GSTO2: variants seen among roughly 807,000 people sequenced by gnomAD.
GSTO2 encodes the protein glutathione S-transferase omega 2, also known as glutathione S-transferase omega-2.
In GSTO2, 23 loss-of-function variants were observed where a neutral mutation model predicts 28.4. That is an observed-to-expected ratio of 0.81 (90% CI 0.58 to 1.15). GSTO2 has a LOEUF of 1.15. Among genes scored for constraint, GSTO2 ranks in the 50% most tolerant of loss-of-function variants. The pLI is 0.00. For missense variants in GSTO2, 298 were observed against 297.8 expected, an observed-to-expected ratio of 1.00 and a Z score of 0.00; for synonymous variants, 109 against 111.0, an observed-to-expected ratio of 0.98 and a Z score of 0.11.
chr10:104,272,661 T>A (rs2011473120), intron 1 of GSTO2, among the ~76,000 whole-genome samples: 1 of 134,160 alleles, frequency 7.5e-6, no homozygotes, highest in African/African-American at 2.7e-5. Flanking sequence ...TCGCCCAGGC[T>A]GGAGTGCAGT....
intron 1 of GSTO2, among the ~76,000 whole-genome samples, chr10:104,269,576 T>C (rs2011287101): frequency 6.6e-6 from 1 of 152,198 alleles, no homozygotes; most frequent in Non-Finnish European, 1.5e-5. Flanking sequence ...GTTCTCAGCC[T>C]TGCGTGGGAC....
chr10:104,284,169 G>A (rs951464446), intron 5 of GSTO2, among the ~76,000 whole-genome samples: 7 of 152,028 alleles, frequency 4.6e-5, no homozygotes, highest in African/African-American at 1.4e-4. Flanking sequence ...AGACAAGACT[G>A]TACAACATGG....
intron 5 of GSTO2, among the ~76,000 whole-genome samples, chr10:104,294,611 G>C (rs991817740): frequency 6.6e-6 from 1 of 152,198 alleles, no homozygotes; most frequent in Non-Finnish European, 1.5e-5. Context: ...AATGCAAGTA[G>C]TTTTGATGTG....
At chr10:104,291,030 C>G (rs1450188298) in intron 5 of GSTO2, among the ~76,000 whole-genome samples, 1 of 152,036 alleles carries the variant, frequency 6.6e-6, no homozygotes, top group Admixed American at 6.6e-5. Flanking sequence ...TATGTGCCCA[C>G]GAAAAATAAA....
In GSTO2 at chr10:104,299,286, T is replaced by A; in HGVS notation, c.*2T>A. 6.2e-7 allele frequency: 1 copy of A among 1,613,962 alleles called. No individual in the cohort carries two copies. The highest frequency in any genetic ancestry group is 8.5e-7 in the Non-Finnish European group (1 of 1,179,936). On this transcript the variant is annotated 3_prime_UTR_variant, in exon 7 of 7. Transcript: ENST00000338595. ...GCCTTTGACTTTGGGCTGTGCTGAG[T>A]CTCACTGTCCACCCCTTCGCTGTCC...
At chr10:104,293,553 C>T (rs1209095277) in intron 5 of GSTO2, among the ~76,000 whole-genome samples, 2 of 91,652 alleles carry the variant, frequency 2.2e-5, no homozygotes, top group African/African-American at 1.1e-4. Context: ...TGAGCCACTG[C>T]GCCTGGCCAA....
chr10:104,276,136 A>C (rs980209935), intron 3 of GSTO2, among the ~76,000 whole-genome samples: 2 of 152,212 alleles, frequency 1.3e-5, no homozygotes, highest in Admixed American at 6.5e-5. Flanking sequence ...CGGAGAGTCC[A>C]TCACAAGGGG....
rs187669561 is a variant in GSTO2, at chr10:104,304,326, A to G, written c.*5042A>G. The G allele has an allele frequency of 3.9e-5, 6 of 152,110 alleles. No homozygotes were observed. The highest frequency in any genetic ancestry group is 1.3e-4 in the Admixed American group (2 of 15,294). 9.4% of individuals were successfully genotyped at this position (152,110 alleles called of 1,614,324 possible). ...CCTTTGAAAATGCCATTTCCTCTAC[A>G]TACTATTCTTCCTCAGAGCAGCCCT... On this transcript the variant is annotated 3_prime_UTR_variant, in exon 7 of 7. Transcript: ENST00000338595.
rs1258365087 is a variant in GSTO2 at position 104,275,111 on chromosome 10, C to T, written c.35-115C>T. On this transcript the variant is annotated intron_variant, in intron 2 of 6. Coordinates refer to ENST00000338595, the MANE Select transcript of GSTO2 (RefSeq NM_183239.2). ...ACATGCAGCACTGCCCTCTCTGGGA[C>T]TTGGGAGTTGGAGCTCCCACAGCCA... 4 of 1,515,902 alleles carry T rather than the reference C, an allele frequency of 2.6e-6. No individual in the cohort carries two copies. The East Asian group carries it at 9.4e-5, about 36-fold the overall frequency. The allele number at this position is 1,515,902 out of a possible 1,614,324, so 93.9% of individuals were successfully genotyped here. A position where few individuals can be genotyped will look rare whatever the true frequency, so the allele number is the denominator to read the frequency against.
At chr10:104,269,557 A>C (rs2011286330) in intron 1 of GSTO2, among the ~76,000 whole-genome samples, 1 of 152,222 alleles carries the variant, frequency 6.6e-6, no homozygotes, top group African/African-American at 2.4e-5. Flanking sequence ...AGACCACCCC[A>C]GATAACCAGT....
In GSTO2 at chr10:104,275,234, C is replaced by T. The variant is rs755021553; in HGVS notation, c.43C>T (p.Pro15Ser). 6.2e-7 allele frequency: 1 copy of T among 1,612,476 alleles called. No individual in the cohort carries two copies. Among genetic ancestry groups the T allele is most frequent in the Non-Finnish European group, 8.5e-7 (1 of 1,179,208 alleles). Residue 15 changes from proline (P) to serine (S), a missense_variant, in exon 3 of 7, where the codon CCC becomes TCC. Pro to Ser is a moderately conservative substitution (Grantham distance 74). Transcript: ENST00000338595. ...CCATCGCTGCTCTGCAGGAAGCCAG[C>T]CCCCAGGGCCAGTCCCGGAGGGGCT... ...ATRTLGKGSQPPGPVPEGLIR... is the reference protein window; with the variant it reads ...ATRTLGKGSQSPGPVPEGLIR...
Position 104,299,317 on chromosome 10 carries a change from T to A in GSTO2, c.*33T>A. On this transcript the variant is annotated 3_prime_UTR_variant, in exon 7 of 7. Transcript: ENST00000338595. ...TGTCCACCCCTTCGCTGTCCAGAATTCCCCAGCTTGTTGGGAGTCTACGTC... is the reference window on the plus strand; with the variant it reads ...TGTCCACCCCTTCGCTGTCCAGAATACCCCAGCTTGTTGGGAGTCTACGTC... 1 of 1,612,428 alleles carries A rather than the reference T, an allele frequency of 6.2e-7. No homozygotes were observed. The highest frequency in any genetic ancestry group is 8.5e-7 in the Non-Finnish European group (1 of 1,179,318).
intron 5 of GSTO2, among the ~76,000 whole-genome samples, chr10:104,280,494 A>G (rs12264024): frequency 0.074 from 11,284 of 152,268 alleles, 1,399 homozygotes; most frequent in African/African-American, 0.26. Flanking sequence ...TTGTGGGGTC[A>G]TAACTATCTT....
chr10:104,285,579 AG>A (rs1394098538), intron 5 of GSTO2, among the ~76,000 whole-genome samples: 3 of 152,154 alleles, frequency 2.0e-5, no homozygotes, highest in African/African-American at 7.2e-5. Context: ...CCTCCTGAGT[AG>A]CTGGGACCAC....
chr10:104,281,199 A>T (rs2012017303), intron 5 of GSTO2, among the ~76,000 whole-genome samples: 1 of 152,234 alleles, frequency 6.6e-6, no homozygotes, highest in African/African-American at 2.4e-5. Flanking sequence ...TACTTAGGTC[A>T]GCACTGCCTT....
intron 5 of GSTO2, chr10:104,291,152 A>C (rs1375713997): frequency 1.3e-5 from 2 of 152,224 alleles, no homozygotes; most frequent in Non-Finnish European, 2.9e-5. Flanking sequence ...GGGGCCACAG[A>C]GGGTGGAGGA....
At chr10:104,284,490 C>G (rs1384391361) in intron 5 of GSTO2, among the ~76,000 whole-genome samples, 2 of 152,216 alleles carry the variant, frequency 1.3e-5, no homozygotes, top group East Asian at 3.8e-4. Flanking sequence ...AAACTAGCAG[C>G]CTGCTCACTG....
intron 5 of GSTO2, chr10:104,294,836 C>T (rs2135141492): frequency 6.6e-6 from 1 of 152,242 alleles, no homozygotes; most frequent in South Asian, 2.1e-4. Flanking sequence ...AGGCATGCTC[C>T]TACTTTGAGT....
chr10:104,304,355 T>G lies in GSTO2; in HGVS notation c.*5071T>G, dbSNP rs1191006785. On this transcript the variant is annotated 3_prime_UTR_variant, in exon 7 of 7. Coordinates refer to ENST00000338595, the MANE Select transcript of GSTO2 (RefSeq NM_183239.2). ...TATTCTTCCTCAGAGCAGCCCTCTG[T>G]TTTTTTTTCCAACCAGTCTTTTCTC... The G allele has an allele frequency of 7.0e-6, 1 of 142,050 alleles. No homozygotes were observed. Among genetic ancestry groups the G allele is most frequent in the East Asian group, 2.0e-4 (1 of 4,988 alleles). The allele number at this position is 142,050 out of a possible 1,614,324, so 8.8% of individuals were successfully genotyped here. A position where few individuals can be genotyped will look rare whatever the true frequency, so the allele number is the denominator to read the frequency against.
Sources: allele counts gnomAD v4.1 joint callset (sites outside exome capture counted in the v4.1 genomes callset), GRCh38; gene constraint gnomAD v4.1.1; transcripts MANE v1.5; gene names NCBI Gene and HGNC (gene_info 2026-07-23, HGNC 2026-07-21).